CHORDC1: variants seen among roughly 807,000 people sequenced by gnomAD.
The protein encoded by CHORDC1 is cysteine and histidine-rich domain-containing protein 1.
CHORDC1 carries 25 observed loss-of-function variants against 48.3 expected under a neutral mutation model. The observed-to-expected ratio is 0.52, with a 90% CI of 0.38 to 0.72. The LOEUF is 0.72. Among genes scored for constraint, CHORDC1 ranks in the 30% least tolerant of loss-of-function variants. The pLI is 0.00. For synonymous variants in CHORDC1, 128 were observed against 126.4 expected (o/e 1.01, Z -0.09); for missense variants, 317 against 388.7 (o/e 0.82, Z 1.55).
chr11:90,205,498 A>G lies in CHORDC1; in HGVS notation c.631T>C (p.Cys211Arg). Residue 211 changes from cysteine to arginine, a missense_variant, in exon 8 of 11, where the codon TGT becomes CGT. Cys to Arg is a radical substitution (Grantham distance 180). Transcript: ENST00000320585. ...GTCCACATGTGTTTCCCTTTTGTACAGCCCTCTTGGGCTAAGAATGTATTA... is the reference window on the plus strand; with the variant it reads ...GTCCACATGTGTTTCCCTTTTGTACGGCCCTCTTGGGCTAAGAATGTATTA... The part of the protein sequence containing the change: ...DFNTFLAQEG[C>R]TKGKHMWTKK... 6.2e-7 allele frequency: 1 copy of G among 1,607,304 alleles called. No individual in the cohort carries two copies. Among genetic ancestry groups the G allele is most frequent in the Non-Finnish European group, 8.5e-7 (1 of 1,178,078 alleles).
chr11:90,212,701 C>G (rs1857905027), intron 4 of CHORDC1: 1 of 152,170 alleles, frequency 6.6e-6, no homozygotes, highest in African/African-American at 2.4e-5. Flanking sequence ...TCTCATCTCA[C>G]TGCCTTTGTC....
rs772396100 is a variant in CHORDC1 at position 90,210,607 on chromosome 11, A to G, written c.434-13T>C. The stretch of plus-strand genomic sequence containing the variant: ...TCATTGTCTTCTTCTGTAACAAAGA[A>G]AAAAAAATCAAATTAAAAAGTTAAA... On this transcript the variant is annotated splice_polypyrimidine_tract_variant and intron_variant, in intron 5 of 10. Coordinates refer to ENST00000320585, the MANE Select transcript of CHORDC1 (RefSeq NM_012124.3). 6 of 1,516,872 alleles carry G rather than the reference A, an allele frequency of 4.0e-6. No homozygotes were observed. The highest frequency in any genetic ancestry group is 5.4e-6 in the Non-Finnish European group (6 of 1,103,248). The allele number at this position is 1,516,872 out of a possible 1,614,324, so 94.0% of individuals were successfully genotyped here.
At chr11:90,211,075 T>C (rs1221762327) in intron 5 of CHORDC1, 140 bp downstream of exon 5, 3 of 541,674 alleles carry the variant, frequency 5.5e-6, no homozygotes, top group Non-Finnish European at 9.8e-6. Flanking sequence ...TTATCATATC[T>C]GACATTTAGA....
chr11:90,221,311 C>G (rs182962754), intron 1 of CHORDC1, among the ~76,000 whole-genome samples: 80 of 152,214 alleles, frequency 5.3e-4, no homozygotes, highest in African/African-American at 1.7e-3. Flanking sequence ...TCCATTCACT[C>G]AATCAGTTTA....
In CHORDC1 at chr11:90,202,327, G is replaced by C; in HGVS notation, c.*78C>G. ...TCAGTAACACAACAACAAAACAAAA[G>C]ATTACAGCAGCAAGCCACCACTTCA... On this transcript the variant is annotated 3_prime_UTR_variant, in exon 11 of 11. Transcript: ENST00000320585. 2.9e-6 allele frequency: 4 copies of C among 1,368,730 alleles called. No individual in the cohort carries two copies. The highest frequency in any genetic ancestry group is 4.7e-5 in the East Asian group (2 of 43,006). 84.8% of individuals were successfully genotyped at this position (1,368,730 alleles called of 1,614,324 possible).
At position 90,201,827 on chromosome 11, in the gene CHORDC1, A is replaced by G. The variant is rs1288125370; in HGVS notation, c.*578T>C. The stretch of plus-strand genomic sequence containing the variant: ...AATGTAAGTTTTGACATAATTTAAA[A>G]ATTCAAGTAGTTGTAAACAAATTCT... On this transcript the variant is annotated 3_prime_UTR_variant, in exon 11 of 11. Coordinates refer to ENST00000320585, the MANE Select transcript of CHORDC1 (RefSeq NM_012124.3). The G allele has an allele frequency of 1.3e-5, 2 of 152,456 alleles. No homozygotes were observed. The highest frequency in any genetic ancestry group is 4.8e-5 in the African/African-American group (2 of 41,444). The allele number at this position is 152,456 out of a possible 1,614,324, so 9.4% of individuals were successfully genotyped here. A position where few individuals can be genotyped will look rare whatever the true frequency, so the allele number is the denominator to read the frequency against.
chr11:90,214,842 T>A (rs1275776926), intron 3 of CHORDC1, among the ~76,000 whole-genome samples: 1 of 152,090 alleles, frequency 6.6e-6, no homozygotes, highest in Admixed American at 6.5e-5. Flanking sequence ...ATGTAAAATA[T>A]TTCAACAGCA....
rs1306225066 is a variant in CHORDC1 at position 90,222,904 on chromosome 11, C to T, written c.51G>A (p.Glu17=). The change falls in exon 1 of 11, where the codon GAG becomes GAA. Residue 17 remains glutamate (E), a synonymous_variant. Coordinates refer to ENST00000320585, the MANE Select transcript of CHORDC1 (RefSeq NM_012124.3). ...CGTTCCTCTTACCGTCGGAATTGGTCTCAGGATCGAAGCGCTGACCGCAGC... is the reference window on the plus strand; with the variant it reads ...CGTTCCTCTTACCGTCGGAATTGGTTTCAGGATCGAAGCGCTGACCGCAGC... ...NRGCGQRFDP[E]TNSDDACTYH... 1 of 1,613,976 alleles carries T rather than the reference C, an allele frequency of 6.2e-7. No homozygotes were observed. Among genetic ancestry groups the T allele is most frequent in the Non-Finnish European group, 8.5e-7 (1 of 1,179,964 alleles).
At chr11:90,207,731 C>T in intron 6 of CHORDC1, 1 of 104,026 alleles carries the variant, frequency 9.6e-6, no homozygotes, top group Non-Finnish European at 1.9e-5. Context: ...CATGACAAAA[C>T]ACTATACACA....
chr11:90,207,021 T>A (rs1857715486), intron 6 of CHORDC1: 1 of 319,934 alleles, frequency 3.1e-6, no homozygotes, highest in Non-Finnish European at 6.1e-6. Context: ...TCTACTAAAC[T>A]TAATGCTATT....
intron 6 of CHORDC1, 127 bp downstream of exon 6, chr11:90,210,409 T>G (rs1467914268): frequency 1.1e-5 from 7 of 649,088 alleles, no homozygotes; most frequent in Non-Finnish European, 1.9e-5. Flanking sequence ...ATTGTAGCCC[T>G]AGTCCCCAGC....
chr11:90,206,789 A>T (rs1240403929), intron 6 of CHORDC1: 7 of 1,287,700 alleles, frequency 5.4e-6, no homozygotes, highest in Non-Finnish European at 7.1e-6. Context: ...TCCGGGCCCC[A>T]TTGCTGCTGT....
intron 2 of CHORDC1, chr11:90,216,456 C>T (rs2135051813): frequency 6.4e-6 from 2 of 312,922 alleles, no homozygotes; most frequent in Non-Finnish European, 1.2e-5. Context: ...CAATGTTTAA[C>T]TTCTTACTTG....
rs754180468 is a variant in CHORDC1 at position 90,222,900 on chromosome 11, T to C, written c.55A>G (p.Asn19Asp). 9.3e-6 allele frequency: 15 copies of C among 1,613,910 alleles called. No homozygotes were observed. Among genetic ancestry groups the C allele is most frequent in the African/African-American group, 1.3e-5 (1 of 74,916 alleles). ...GGCGCGTTCCTCTTACCGTCGGAAT[T>C]GGTCTCAGGATCGAAGCGCTGACCG... ...GCGQRFDPET[N>D]SDDACTYHPG... Residue 19 changes from asparagine (N) to aspartate (D), a missense_variant, in exon 1 of 11, where the codon AAT becomes GAT. Coordinates refer to ENST00000320585, the MANE Select transcript of CHORDC1 (RefSeq NM_012124.3).
intron 4 of CHORDC1, chr11:90,211,841 C>G (rs1857870327): frequency 1.3e-5 from 2 of 152,590 alleles, no homozygotes; most frequent in South Asian, 4.1e-4. Flanking sequence ...AAAACAACAT[C>G]TTCTAACATT....
chr11:90,204,758 T>C (rs1252672919), intron 8 of CHORDC1, among the ~76,000 whole-genome samples: 1 of 151,862 alleles, frequency 6.6e-6, no homozygotes, highest in African/African-American at 2.4e-5. Flanking sequence ...GACTAAAATA[T>C]TGAAATCTCT....
rs1035019161 is a variant in CHORDC1 at position 90,207,771 on chromosome 11, A to AC, written c.493-1500_493-1499insG. The stretch of plus-strand genomic sequence containing the variant: ...AGAATGGTTAAAATACAAAAAAAAA[A>AC]AAAAAAACAAAAAAAACTCGTATAA... On this transcript the variant is annotated intron_variant, in intron 6 of 10. Coordinates refer to ENST00000320585, the MANE Select transcript of CHORDC1 (RefSeq NM_012124.3). 8.1e-5 allele frequency: 12 copies of AC among 148,570 alleles called. 1 individual carries two copies. Among genetic ancestry groups the AC allele is most frequent in the African/African-American group, 1.5e-4 (6 of 40,892 alleles). The allele number at this position is 148,570 out of a possible 1,614,324, so 9.2% of individuals were successfully genotyped here.
intron 8 of CHORDC1, 32 bp downstream of exon 8, chr11:90,205,428 C>T (rs773703809): frequency 5.2e-6 from 6 of 1,145,482 alleles, no homozygotes; most frequent in Non-Finnish European, 7.7e-6. Context: ...TGAATATAAA[C>T]CCAGTGTGCT....
intron 2 of CHORDC1, 130 bp from the exon 3 acceptor site, chr11:90,215,360 T>C (rs1485275920): frequency 1.0e-5 from 5 of 479,820 alleles, no homozygotes; most frequent in Middle Eastern, 5.8e-4. Flanking sequence ...AATTTCAGTG[T>C]TGCATATAAT....
Sources: gnomAD v4.1 joint callset for allele counts (sites outside exome capture counted in the v4.1 genomes callset) on GRCh38, gnomAD v4.1.1 for gene constraint, MANE v1.5 for transcripts, NCBI Gene and HGNC (gene_info 2026-07-23, HGNC 2026-07-21) for gene names.